IFTAP: variants seen among roughly 807,000 people sequenced by gnomAD.
The protein encoded by IFTAP is intraflagellar transport associated protein.
A neutral mutation model predicts 19.4 loss-of-function variants in IFTAP; 19 were observed. That is an observed-to-expected ratio of 0.98 (90% confidence interval 0.68 to 1.44). The LOEUF (loss-of-function observed/expected upper bound fraction) is 1.44, where lower values mean the gene tolerates loss of function less well. Ranked by LOEUF, IFTAP falls within the 40% of genes most tolerant of loss-of-function variation. The pLI is 0.00. For synonymous variants in IFTAP, 85 were observed against 83.5 expected, an observed-to-expected ratio of 1.02 and a Z score of -0.10; for missense variants, 240 against 253.6, an observed-to-expected ratio of 0.95 and a Z score of 0.36.
At chr11:36,633,109 C>A (rs910636954) in intron 2 of IFTAP, among the ~76,000 whole-genome samples, 175 bp from the exon 3 acceptor site, 5 of 151,176 alleles carry the variant, frequency 3.3e-5, no homozygotes, top group Admixed American at 3.3e-4. Flanking sequence ...ATCTTTCTAT[C>A]CAGTTTTAGA....
At chr11:36,637,781 G>A (rs1255196797) in intron 4 of IFTAP, among the ~76,000 whole-genome samples, 1 of 152,052 alleles carries the variant, frequency 6.6e-6, no homozygotes, top group African/African-American at 2.4e-5. Flanking sequence ...CATGTTTTGG[G>A]TGCTTTTGTG....
rs1194586740 is a variant in IFTAP, at chr11:36,610,245, A to G, written c.136+6A>G. On this transcript the variant is annotated splice_donor_region_variant and intron_variant, in intron 2 of 5. Coordinates refer to ENST00000334307, the MANE Select transcript of IFTAP (RefSeq NM_138787.4). ...TTTTACTCATCTTTCACAAGGTAAA[A>G]TGGAGAAGTAAACTTTCTGCAGCAA... 2 of 1,596,702 alleles carry G rather than the reference A, an allele frequency of 1.3e-6. No homozygotes were observed. Among genetic ancestry groups the G allele is most frequent in the Non-Finnish European group, 1.7e-6 (2 of 1,169,040 alleles).
At chr11:36,633,575 G>A (rs1565021666) in intron 3 of IFTAP, 137 bp downstream of exon 3, 1 of 594,474 alleles carries the variant, frequency 1.7e-6, no homozygotes, top group East Asian at 3.5e-5. Context: ...GTGCCATTGG[G>A]GCACTTTATT....
At chr11:36,655,440 T>G (rs1024983420) in intron 5 of IFTAP, among the ~76,000 whole-genome samples, 1 of 152,228 alleles carries the variant, frequency 6.6e-6, no homozygotes, top group Non-Finnish European at 1.5e-5. Flanking sequence ...CTCTAATGAT[T>G]TGTTTATGTG....
intron 5 of IFTAP, among the ~76,000 whole-genome samples, chr11:36,653,415 ATAACT>A (rs1488765816): frequency 6.6e-6 from 1 of 152,188 alleles, no homozygotes; most frequent in African/African-American, 2.4e-5. Context: ...TAACAAGTTA[ATAACT>A]TAATTCATGG....
chr11:36,630,104 A>G (rs1852674106), intron 2 of IFTAP, among the ~76,000 whole-genome samples: 1 of 151,322 alleles, frequency 6.6e-6, no homozygotes, highest in East Asian at 1.9e-4. Context: ...GGATTTCACC[A>G]GGATTACTAT....
At chr11:36,644,444 T>C (rs1853379702) in intron 4 of IFTAP, among the ~76,000 whole-genome samples, 1 of 152,178 alleles carries the variant, frequency 6.6e-6, no homozygotes, top group South Asian at 2.1e-4. Flanking sequence ...AGTGTGGCGA[T>C]TCCTCAAGGA....
intron 4 of IFTAP, among the ~76,000 whole-genome samples, chr11:36,646,031 C>T (rs16929258): frequency 0.14 from 21,975 of 152,130 alleles, 2,442 homozygotes; most frequent in East Asian, 0.59. Context: ...GAATTTAAGA[C>T]GTGGAGAATA....
intron 3 of IFTAP, among the ~76,000 whole-genome samples, chr11:36,634,145 T>C (rs1852844358): frequency 6.6e-6 from 1 of 152,136 alleles, no homozygotes; most frequent in Non-Finnish European, 1.5e-5. Flanking sequence ...AGAGAGATAA[T>C]TGTGGGATAC....
intron 2 of IFTAP, among the ~76,000 whole-genome samples, chr11:36,614,351 C>T (rs1851989031): frequency 6.7e-6 from 1 of 148,306 alleles, no homozygotes; most frequent in Non-Finnish European, 1.5e-5. Context: ...CAACTCTTTG[C>T]TATTGTGAAT....
intron 5 of IFTAP, among the ~76,000 whole-genome samples, chr11:36,653,534 A>G (rs779070333): frequency 6.6e-6 from 1 of 152,180 alleles, no homozygotes; most frequent in Non-Finnish European, 1.5e-5. Flanking sequence ...GGCATCTTAT[A>G]GCTTTGAACT....
rs527509366 is a variant in IFTAP at position 36,649,287 on chromosome 11, C to T, written c.498+1132C>T. Among the ~76,000 whole-genome samples the T allele has an allele frequency of 3.5e-4, 54 of 152,226 alleles. No homozygotes were observed. In the South Asian group the frequency reaches 9.3e-3, roughly 26 times the overall value. ...ACATCATGAAAGTATATCCAGGATG[C>T]GTGCAGGCTTATATTAAACTCCCAA... On this transcript the variant is annotated intron_variant, in intron 5 of 5. Coordinates refer to ENST00000334307, the MANE Select transcript of IFTAP (RefSeq NM_138787.4).
chr11:36,610,053 C>G, intron 1 of IFTAP, 28 bp from the exon 2 acceptor site: 4 of 1,595,324 alleles, frequency 2.5e-6, no homozygotes, highest in Middle Eastern at 1.7e-4. Flanking sequence ...GCCTGATTCT[C>G]TCTAGCTGGT....
chr11:36,637,401 T>C (rs957882642), intron 4 of IFTAP, among the ~76,000 whole-genome samples: 2 of 152,128 alleles, frequency 1.3e-5, no homozygotes, highest in Non-Finnish European at 2.9e-5. Flanking sequence ...CAGGGAGAGG[T>C]TCTCTAACTT....
At chr11:36,653,162 C>T (rs1434877366) in intron 5 of IFTAP, among the ~76,000 whole-genome samples, 1 of 152,054 alleles carries the variant, frequency 6.6e-6, no homozygotes, top group East Asian at 1.9e-4. Flanking sequence ...CTAAATGCTG[C>T]CATTATTGAT....
At chr11:36,607,998 C>T (rs1851755152) in intron 1 of IFTAP, among the ~76,000 whole-genome samples, 2 of 152,150 alleles carry the variant, frequency 1.3e-5, no homozygotes, top group African/African-American at 4.8e-5. Flanking sequence ...GGTCAAGTAA[C>T]TTGCCCAGTG....
chr11:36,656,277 C>G (rs552334213), intron 5 of IFTAP, among the ~76,000 whole-genome samples: 3 of 152,040 alleles, frequency 2.0e-5, no homozygotes, highest in Non-Finnish European at 4.4e-5. Context: ...AAAACTCAAT[C>G]AAGAGTAAGA....
At chr11:36,618,346 T>C (rs2133402530) in intron 2 of IFTAP, among the ~76,000 whole-genome samples, 1 of 152,142 alleles carries the variant, frequency 6.6e-6, no homozygotes, top group South Asian at 2.1e-4. Flanking sequence ...GTTCTCTGCC[T>C]TCCGTAGGGC....
At chr11:36,652,398 A>G (rs1357766300) in intron 5 of IFTAP, among the ~76,000 whole-genome samples, 17 of 152,098 alleles carry the variant, frequency 1.1e-4, no homozygotes, top group Non-Finnish European at 1.5e-5. Flanking sequence ...TTGCACATTG[A>G]TTTTGTATCC....
Sources: allele counts gnomAD v4.1 joint callset (sites outside exome capture counted in the v4.1 genomes callset), GRCh38; gene constraint gnomAD v4.1.1; transcripts MANE v1.5; gene names NCBI Gene and HGNC (gene_info 2026-07-23, HGNC 2026-07-21).